PRKCA: variants seen among roughly 807,000 people sequenced by gnomAD.
The protein encoded by PRKCA is protein kinase C alpha, also known as protein kinase C alpha type.
A neutral mutation model predicts 87.0 loss-of-function variants in PRKCA; 27 were observed. That is an observed-to-expected ratio of 0.31 (90% confidence interval 0.23 to 0.43). PRKCA has a LOEUF of 0.43. Among genes scored for constraint, PRKCA ranks in the 20% least tolerant of loss-of-function variants. The pLI is 1.00. For synonymous variants in PRKCA, 329 were observed against 311.1 expected, an observed-to-expected ratio of 1.06 and a Z score of -0.61; for missense variants, 518 against 852.3, an observed-to-expected ratio of 0.61 and a Z score of 4.88.
intron 2 of PRKCA, among the ~76,000 whole-genome samples, chr17:66,465,904 T>A (rs962400942): frequency 1.3e-5 from 2 of 152,208 alleles, no homozygotes; most frequent in African/African-American, 4.8e-5. Context: ...TGTGTAAGAT[T>A]TGACTTTTTT....
At chr17:66,461,463 G>C (rs1043134810) in intron 2 of PRKCA, among the ~76,000 whole-genome samples, 1 of 152,082 alleles carries the variant, frequency 6.6e-6, no homozygotes, top group Non-Finnish European at 1.5e-5. Context: ...CTGAGTTGTG[G>C]TGAACAGTTT....
At chr17:66,569,254 G>C (rs1166887199) in intron 3 of PRKCA, among the ~76,000 whole-genome samples, 1 of 152,112 alleles carries the variant, frequency 6.6e-6, no homozygotes, top group Admixed American at 6.5e-5. Flanking sequence ...ACTTATACCT[G>C]TTAAAGGGCT....
chr17:66,303,072 G>C (rs1904599888), intron 1 of PRKCA, 48 bp downstream of exon 1: 2 of 1,578,198 alleles, frequency 1.3e-6, no homozygotes, highest in East Asian at 4.9e-5. Flanking sequence ...CCGCCTCCGG[G>C]TCCCGGCACC....
At chr17:66,789,046 C>A in intron 16 of PRKCA, 67 bp downstream of exon 16, 1 of 1,580,080 alleles carries the variant, frequency 6.3e-7, no homozygotes. Context: ...ATCCCACTCA[C>A]CTCTTTTCTT....
chr17:66,414,973 G>C (rs1912049377), intron 2 of PRKCA: 1 of 151,692 alleles, frequency 6.6e-6, no homozygotes, highest in Admixed American at 6.6e-5. Context: ...AATGTACCTG[G>C]AGAAAAAGGC....
chr17:66,381,390 T>C (rs1262041108), intron 2 of PRKCA, among the ~76,000 whole-genome samples: 2 of 152,196 alleles, frequency 1.3e-5, no homozygotes, highest in Admixed American at 6.5e-5. Context: ...TTTGTTTGGA[T>C]GGATGACCTG....
chr17:66,377,789 T>G (rs903450678), intron 2 of PRKCA, among the ~76,000 whole-genome samples: 1 of 144,600 alleles, frequency 6.9e-6, no homozygotes, highest in Admixed American at 7.2e-5. Flanking sequence ...TGCTAATTAA[T>G]TTTTTTCTTT....
intron 8 of PRKCA, among the ~76,000 whole-genome samples, chr17:66,705,911 T>TC (rs1567986509): frequency 6.6e-6 from 1 of 152,154 alleles, no homozygotes; most frequent in Non-Finnish European, 1.5e-5. Flanking sequence ...TTTGTTGTTT[T>TC]CCCCAAAAAA....
At chr17:66,482,769 T>C (rs536176382) in intron 2 of PRKCA, among the ~76,000 whole-genome samples, 2 of 152,368 alleles carry the variant, frequency 1.3e-5, no homozygotes, top group Admixed American at 1.3e-4. Context: ...TAAAGTAATA[T>C]ATTTAACCCC....
chr17:66,407,099 C>T (rs778533480), intron 2 of PRKCA, among the ~76,000 whole-genome samples: 5 of 151,874 alleles, frequency 3.3e-5, no homozygotes, highest in African/African-American at 4.8e-5. Context: ...CAGTGGACAC[C>T]TTGTTGAAGT....
At chr17:66,651,941 A>G (rs953316240) in intron 5 of PRKCA, among the ~76,000 whole-genome samples, 2 of 151,932 alleles carry the variant, frequency 1.3e-5, no homozygotes, top group South Asian at 4.2e-4. Flanking sequence ...AACCTTGATT[A>G]TTTTATTTTT....
intron 16 of PRKCA, among the ~76,000 whole-genome samples, chr17:66,801,015 A>T (rs971241037): frequency 6.6e-6 from 1 of 152,244 alleles, no homozygotes; most frequent in African/African-American, 2.4e-5. Flanking sequence ...GGCAATAAGC[A>T]TTGATGAATC....
intron 2 of PRKCA, among the ~76,000 whole-genome samples, chr17:66,322,141 A>G (rs913139060): frequency 2.0e-5 from 3 of 152,228 alleles, no homozygotes; most frequent in African/African-American, 7.2e-5. Flanking sequence ...ATTTACAAGC[A>G]TAGTTAATAG....
At chr17:66,754,281 C>G (rs1974500056) in intron 13 of PRKCA, among the ~76,000 whole-genome samples, 1 of 151,870 alleles carries the variant, frequency 6.6e-6, no homozygotes, top group South Asian at 2.1e-4. Context: ...TCAAGCAGAA[C>G]AGGAAGGAGG....
chr17:66,585,839 G>A lies in PRKCA; in HGVS notation c.289-55516G>A, dbSNP rs555503323. Among the ~76,000 whole-genome samples, 10 of 152,340 alleles carry A rather than the reference G, an allele frequency of 6.6e-5. No homozygotes were observed. The South Asian group carries it at 1.5e-3, about 22-fold the overall frequency. On this transcript the variant is annotated intron_variant, in intron 3 of 16. Coordinates refer to ENST00000413366, the MANE Select transcript of PRKCA (RefSeq NM_002737.3). ...CCCTCTGGGTCACAAGAAGCATGTGGGAGAATATGGGAAAGTAGCTGACAG... is the reference window on the plus strand; with the variant it reads ...CCCTCTGGGTCACAAGAAGCATGTGAGAGAATATGGGAAAGTAGCTGACAG...
At chr17:66,481,928 C>T (rs12939312) in intron 2 of PRKCA, among the ~76,000 whole-genome samples, 1 of 151,640 alleles carries the variant, frequency 6.6e-6, no homozygotes, top group Non-Finnish European at 1.5e-5. Context: ...TGGTGAAACC[C>T]CATCTCTACT....
chr17:66,696,687 A>T (rs1972929928), intron 8 of PRKCA, among the ~76,000 whole-genome samples: 1 of 152,198 alleles, frequency 6.6e-6, no homozygotes, highest in African/African-American at 2.4e-5. Context: ...GTTATCAAGG[A>T]CTTATTTCTG....
chr17:66,347,883 A>G (rs1236512412), intron 2 of PRKCA, among the ~76,000 whole-genome samples: 3 of 148,712 alleles, frequency 2.0e-5, no homozygotes, highest in Non-Finnish European at 4.5e-5. Context: ...GACAGCCCTC[A>G]TCCCTGGAGT....
chr17:66,675,519 C>T lies in PRKCA; in HGVS notation c.530-11592C>T, dbSNP rs569600036. On this transcript the variant is annotated intron_variant, in intron 5 of 16. Coordinates refer to ENST00000413366, the MANE Select transcript of PRKCA (RefSeq NM_002737.3). ...AGTGCGTGGAGAGAGGACGATCCCT[C>T]GGTCCCTGCAGAACCAGGCTCTTGA... Among the ~76,000 whole-genome samples the T allele has an allele frequency of 9.2e-5, 14 of 152,282 alleles. No individual in the cohort carries two copies. The Middle Eastern group carries it at 0.01, about 111-fold the overall frequency.
Sources: gnomAD v4.1 joint callset for allele counts (sites outside exome capture counted in the v4.1 genomes callset) on GRCh38, gnomAD v4.1.1 for gene constraint, MANE v1.5 for transcripts, NCBI Gene and HGNC (gene_info 2026-07-23, HGNC 2026-07-21) for gene names.